Variants in PDS5A observed in about 807,000 individuals in gnomAD.
The protein encoded by PDS5A is sister chromatid cohesion protein PDS5 homolog A.
In PDS5A, 42 loss-of-function variants were observed where a neutral mutation model predicts 167.1. That is an observed-to-expected ratio of 0.25 (90% CI 0.20 to 0.33). PDS5A has a LOEUF of 0.33. Among genes scored for constraint, PDS5A ranks in the 10% least tolerant of loss-of-function variants. The pLI, the probability that PDS5A is intolerant of heterozygous loss-of-function variation, is 1.00. For synonymous variants in PDS5A, 553 were observed against 554.6 expected (o/e 1.00, Z 0.04); for missense variants, 1,033 against 1,605.9 (o/e 0.64, Z 6.10).
At position 39,838,042 on chromosome 4, in the gene PDS5A, T is replaced by C. The variant is rs1201453726; in HGVS notation, c.3824A>G (p.Lys1275Arg). Residue 1275 changes from lysine (K) to arginine (R), a missense_variant, in exon 32 of 33, where the codon AAG becomes AGG. Physicochemically the swap from Lys to Arg is conservative, Grantham distance 26 (BLOSUM62 2). Transcript: ENST00000303538. ...PSKPRRGRRP[K>R]SESQGNATKN... ...GGTAGCATTGCCCTGAGATTCAGAC[T>C]TGGGTCGACGTCCTCTCCTGGGTTT... 2 of 1,613,902 alleles carry C rather than the reference T, an allele frequency of 1.2e-6. No homozygotes were observed. The highest frequency in any genetic ancestry group is 1.3e-5 in the African/African-American group (1 of 74,936).
chr4:39,894,666 C>T (rs1373282702), intron 16 of PDS5A, among the ~76,000 whole-genome samples: 1 of 152,088 alleles, frequency 6.6e-6, no homozygotes, highest in Non-Finnish European at 1.5e-5. Context: ...TAGTCCTTAT[C>T]CTTTATAAGT....
intron 16 of PDS5A, among the ~76,000 whole-genome samples, chr4:39,895,999 C>T (rs1231178889): frequency 4.0e-5 from 6 of 150,490 alleles, no homozygotes; most frequent in African/African-American, 1.5e-4. Context: ...GCTGGGATTA[C>T]AGGTGTGAGC....
rs1177706653 is a variant in PDS5A at position 39,844,680 on chromosome 4, T to G, written c.3524A>C (p.Asn1175Thr). Residue 1175 changes from asparagine (N) to threonine (T), a missense_variant, in exon 30 of 33, where the codon AAC becomes ACC. This residue lies in a region of PDS5A where 233 missense variants were observed against 264.0 expected (regional missense o/e 0.88). Transcript: ENST00000303538. The part of the protein sequence containing the change: ...GSNINVNSEL[N>T]PSTGNRSREQ... ...CCTTGATCGATTTCCGGTTGAAGGG[T>G]TCAGCTCTGAATTTACATTAATATT... 6.2e-7 allele frequency: 1 copy of G among 1,612,036 alleles called. No individual in the cohort carries two copies. The highest frequency in any genetic ancestry group is 8.5e-7 in the Non-Finnish European group (1 of 1,179,376).
chr4:39,928,093 G>C lies in PDS5A; in HGVS notation c.210C>G (p.Ala70=). 6.2e-7 allele frequency: 1 copy of C among 1,613,180 alleles called. No individual in the cohort carries two copies. The highest frequency in any genetic ancestry group is 2.2e-5 in the East Asian group (1 of 44,866). ...EDEKQQYLPL[A]LHLASEFFLR... Reference sequence around the variant, plus strand: ...GGAAGAATTCAGATGCAAGATGCAAGGCTAGTGGGAGATACTGCTGTTTTT... The same window carrying C: ...GGAAGAATTCAGATGCAAGATGCAACGCTAGTGGGAGATACTGCTGTTTTT... Residue 70 remains alanine (A), a synonymous_variant, in exon 3 of 33, where the codon GCC becomes GCG. Coordinates refer to ENST00000303538, the MANE Select transcript of PDS5A (RefSeq NM_001100399.2).
chr4:39,974,166 CT>C (rs2109832507), intron 2 of PDS5A: 1 of 575,606 alleles, frequency 1.7e-6, no homozygotes, highest in East Asian at 4.7e-5. Flanking sequence ...CCTAGCCAAA[CT>C]GCTCTACTGA....
intron 5 of PDS5A, 62 bp from the exon 6 acceptor site, chr4:39,922,810 C>CT: frequency 7.4e-7 from 1 of 1,353,364 alleles, no homozygotes; most frequent in Non-Finnish European, 9.5e-7. Flanking sequence ...ATTCAAGCTT[C>CT]TAATAGGAAA....
At chr4:39,946,318 G>A (rs1388214801) in intron 2 of PDS5A, among the ~76,000 whole-genome samples, 2 of 152,004 alleles carry the variant, frequency 1.3e-5, no homozygotes, top group African/African-American at 4.8e-5. Flanking sequence ...GGAGCAGTGA[G>A]AGTTTAGAGG....
chr4:39,845,757 G>A, intron 29 of PDS5A, 61 bp downstream of exon 29: 1 of 1,341,484 alleles, frequency 7.5e-7, no homozygotes, highest in Non-Finnish European at 9.7e-7. Context: ...GGTATTTCTA[G>A]GAATAGCAGA....
chr4:39,826,244 G>A (rs923701833), intron 32 of PDS5A, among the ~76,000 whole-genome samples: 9 of 150,564 alleles, frequency 6.0e-5, no homozygotes, highest in African/African-American at 2.0e-4. Flanking sequence ...ATCCCTGGAA[G>A]CACAGGAGAG....
At chr4:39,957,602 G>A (rs982069225) in intron 2 of PDS5A, among the ~76,000 whole-genome samples, 12 of 151,750 alleles carry the variant, frequency 7.9e-5, no homozygotes, top group Non-Finnish European at 1.6e-4. Flanking sequence ...TGGCTAACAC[G>A]GTGAAACCCC....
intron 2 of PDS5A, among the ~76,000 whole-genome samples, chr4:39,974,831 C>T (rs1341516359): frequency 6.6e-6 from 1 of 152,118 alleles, no homozygotes; most frequent in Non-Finnish European, 1.5e-5. Context: ...ATGAAAGGGG[C>T]TGGGAGCAGT....
chr4:39,911,669 A>G (rs548076004), intron 9 of PDS5A, among the ~76,000 whole-genome samples: 44 of 151,970 alleles, frequency 2.9e-4, no homozygotes, highest in Middle Eastern at 3.4e-3. Context: ...TGTCTCTACT[A>G]AAAATACAAA....
At chr4:39,954,540 T>TG (rs1404658480) in intron 2 of PDS5A, among the ~76,000 whole-genome samples, 1 of 151,850 alleles carries the variant, frequency 6.6e-6, no homozygotes, top group Non-Finnish European at 1.5e-5. Flanking sequence ...AGGCTGGTCT[T>TG]GAACTCCTGA....
chr4:39,842,909 T>TTTTATATATATATATATATATATA (rs751901010), intron 30 of PDS5A, among the ~76,000 whole-genome samples: 6 of 92,308 alleles, frequency 6.5e-5, no homozygotes, highest in African/African-American at 2.7e-4. Flanking sequence ...TATCCTATTT[T>TTTTATATATATATATATATATATA]TATATATATA....
chr4:39,960,754 A>G (rs1196060334), intron 2 of PDS5A, among the ~76,000 whole-genome samples: 1 of 150,562 alleles, frequency 6.6e-6, no homozygotes, highest in African/African-American at 2.4e-5. Flanking sequence ...CAGTGGTGTG[A>G]TCTCAGCTCA....
At position 39,896,903 on chromosome 4, in the gene PDS5A, CT is replaced by C. The variant is rs35055129; in HGVS notation, c.1770+1485del. Among the ~76,000 whole-genome samples the C allele has an allele frequency of 5.4e-3, 776 of 144,852 alleles. 3 individuals are homozygous for C. The highest frequency in any genetic ancestry group is 0.026 in the Middle Eastern group (7 of 272). The stretch of plus-strand genomic sequence containing the variant: ...AGGAATCCTTCAGTTCCGTTATAAT[CT>C]TTTTTTTTTTTTAATGCTTTAAGTT... On this transcript the variant is annotated intron_variant, in intron 16 of 32. Transcript: ENST00000303538.
chr4:39,861,310 T>C (rs535106412), intron 26 of PDS5A, among the ~76,000 whole-genome samples: 2 of 151,846 alleles, frequency 1.3e-5, no homozygotes, highest in South Asian at 4.2e-4. Flanking sequence ...AAAAAAGATT[T>C]AGCCAGGAGT....
chr4:39,917,015 T>TTAA, intron 8 of PDS5A, 33 bp downstream of exon 8: 3 of 1,119,044 alleles, frequency 2.7e-6, no homozygotes, highest in Non-Finnish European at 3.5e-6. Context: ...ACAAAAAAAT[T>TTAA]AAAAAAAAAA....
Position 39,970,832 on chromosome 4 carries a change from C to A in PDS5A, c.138+5608G>T, listed in dbSNP as rs140623714. On this transcript the variant is annotated intron_variant, in intron 2 of 32. Transcript: ENST00000303538. Reference sequence around the variant, plus strand: ...TTTTTTTTTAAGACAAGGTCTCACTCGGTCACCCAGGCTGGAGTGCAGTGG... The same window carrying A: ...TTTTTTTTTAAGACAAGGTCTCACTAGGTCACCCAGGCTGGAGTGCAGTGG... 4.0e-3 allele frequency among the ~76,000 whole-genome samples: 548 copies of A among 135,678 alleles called. 10 individuals are homozygous for A. The highest frequency in any genetic ancestry group is 0.014 in the African/African-American group (529 of 36,754). 89.0% of individuals were successfully genotyped at this position (135,678 alleles called of 152,430 possible). A position where few individuals can be genotyped will look rare whatever the true frequency, so the allele number is the denominator to read the frequency against.
Sources: gnomAD v4.1 joint callset for allele counts (sites outside exome capture counted in the v4.1 genomes callset) on GRCh38, gnomAD v4.1.1 for gene constraint, gnomAD v4.1.1 regional missense constraint, MANE v1.5 for transcripts, NCBI Gene and HGNC (gene_info 2026-07-23, HGNC 2026-07-21) for gene names.